Variants in HIVEP3 observed in about 807,000 individuals in gnomAD.
HIVEP3 encodes HIVEP zinc finger 3, also known as transcription factor HIVEP3.
HIVEP3 carries 49 observed loss-of-function variants against 152.8 expected under a neutral mutation model. That is an observed-to-expected ratio of 0.32 (90% CI 0.26 to 0.41). HIVEP3 has a LOEUF of 0.41. HIVEP3 is among the 10% of genes least tolerant of loss of function. The pLI is 1.00. For synonymous variants in HIVEP3, 1,269 were observed against 1,289.0 expected, an observed-to-expected ratio of 0.98 and a Z score of 0.33; for missense variants, 2,790 against 3,103.3, an observed-to-expected ratio of 0.90 and a Z score of 2.40.
chr1:41,674,260 G>C (rs748425986), intron 2 of HIVEP3, among the ~76,000 whole-genome samples: 18 of 152,252 alleles, frequency 1.2e-4, no homozygotes, highest in Non-Finnish European at 2.5e-4. Flanking sequence ...GGGTGAAGAG[G>C]AAGGAGGCAT....
chr1:41,720,378 G>A (rs866852856), intron 1 of HIVEP3, among the ~76,000 whole-genome samples: 3 of 152,192 alleles, frequency 2.0e-5, no homozygotes, highest in South Asian at 4.1e-4. Context: ...TGGACACATC[G>A]GGAATAGCCT....
chr1:41,649,615 A>G (rs1645515178), intron 2 of HIVEP3, among the ~76,000 whole-genome samples: 2 of 152,196 alleles, frequency 1.3e-5, no homozygotes, highest in African/African-American at 4.8e-5. Flanking sequence ...GAAGACTAGG[A>G]GATGATGCAA....
chr1:41,856,236 C>G (rs1643762550), intron 1 of HIVEP3, among the ~76,000 whole-genome samples: 1 of 152,098 alleles, frequency 6.6e-6, no homozygotes, highest in Admixed American at 6.5e-5. Flanking sequence ...GCATCTGCAG[C>G]CAGATGCAAT....
chr1:41,898,902 T>G (rs1644576205), intron 1 of HIVEP3, among the ~76,000 whole-genome samples: 1 of 152,234 alleles, frequency 6.6e-6, no homozygotes, highest in African/African-American at 2.4e-5. Context: ...CAGCAAGCAT[T>G]AAAAATTCAC....
rs1643800028 is a variant in HIVEP3 at position 41,857,481 on chromosome 1, AC to A, written c.-801+60931del. On this transcript the variant is annotated intron_variant, in intron 1 of 8. Coordinates refer to ENST00000372583, the MANE Select transcript of HIVEP3 (RefSeq NM_024503.5). ...ATTTAAAGAAGAATGTATTTCAAGT[AC>A]AACTCAGTTTAACCAAGTATAGAAA... Among the ~76,000 whole-genome samples, 5 of 151,928 alleles carry A rather than the reference AC, an allele frequency of 3.3e-5. No individual in the cohort carries two copies. In the South Asian group the frequency reaches 1.0e-3, roughly 31 times the overall value.
chr1:41,871,495 A>G (rs1442160153), intron 1 of HIVEP3, among the ~76,000 whole-genome samples: 1 of 152,166 alleles, frequency 6.6e-6, no homozygotes, highest in African/African-American at 2.4e-5. Context: ...AGTGAACAGG[A>G]GTTGCTTCAT....
In HIVEP3 at chr1:41,510,631, C is replaced by T. The variant is rs752309816; in HGVS notation, c.7041G>A (p.Pro2347=). 2.4e-5 allele frequency: 37 copies of T among 1,544,784 alleles called. No individual in the cohort carries two copies. The highest frequency in any genetic ancestry group is 1.9e-4 in the Middle Eastern group (1 of 5,234). The change falls in exon 9 of 9, where the codon CCG becomes CCA. Residue 2347 remains proline, a synonymous_variant. Coordinates refer to ENST00000372583, the MANE Select transcript of HIVEP3 (RefSeq NM_024503.5). ...CCACAGAGCTGCTGCGGTCCAGCGG[C>T]GGGGTGGCAGAAGGCTCGGGGTTGG... ...APTNPEPSAT[P]PLDRSSSVGC...
chr1:41,527,278 CA>C (rs1643004369), intron 5 of HIVEP3, among the ~76,000 whole-genome samples: 3 of 104,118 alleles, frequency 2.9e-5, no homozygotes, highest in Admixed American at 1.0e-4. Flanking sequence ...CACCCTCACA[CA>C]CCCTCACATA....
At chr1:41,594,395 G>A (rs183555449) in intron 3 of HIVEP3, among the ~76,000 whole-genome samples, 4 of 151,810 alleles carry the variant, frequency 2.6e-5, no homozygotes, top group Admixed American at 6.6e-5. Flanking sequence ...GATAATTTTC[G>A]TATTTTTAGT....
Position 41,510,336 on chromosome 1 carries a change from A to G in HIVEP3, c.*115T>C. ...AAGGTACAACAGATGGGGCCGTGAG[A>G]GCTCCTGGACGGAGGGACAGATGGG... is the stretch of plus-strand genomic sequence containing the variant. On this transcript the variant is annotated 3_prime_UTR_variant, in exon 9 of 9. Coordinates refer to ENST00000372583, the MANE Select transcript of HIVEP3 (RefSeq NM_024503.5). The G allele has an allele frequency of 1.1e-6, 1 of 876,182 alleles. No homozygotes were observed. The highest frequency in any genetic ancestry group is 1.6e-6 in the Non-Finnish European group (1 of 625,136). The allele number at this position is 876,182 out of a possible 1,614,324, so 54.3% of individuals were successfully genotyped here. A position where few individuals can be genotyped will look rare whatever the true frequency, so the allele number is the denominator to read the frequency against.
At chr1:42,035,623 C>G (rs1645638138) in intron 1 of HIVEP3, among the ~76,000 whole-genome samples, 2 of 152,108 alleles carry the variant, frequency 1.3e-5, no homozygotes, top group East Asian at 3.9e-4. Flanking sequence ...CGGGGGACCC[C>G]AGCTGAGGGG....
chr1:41,985,222 C>G (rs998627198), intron 1 of HIVEP3, among the ~76,000 whole-genome samples: 2 of 152,178 alleles, frequency 1.3e-5, no homozygotes, highest in African/African-American at 4.8e-5. Flanking sequence ...AGCAAGATGA[C>G]AGTACCACAA....
chr1:41,881,045 T>C (rs149133117), intron 1 of HIVEP3, among the ~76,000 whole-genome samples: 1 of 152,198 alleles, frequency 6.6e-6, no homozygotes, highest in African/African-American at 2.4e-5. Context: ...ACAATGCAAG[T>C]TCCTCCCACT....
At position 41,581,262 on chromosome 1, in the gene HIVEP3, G is replaced by A. The variant is rs1223696014; in HGVS notation, c.3536C>T (p.Pro1179Leu). ...TTGAAATAAGGAGGGAGGAAGTGGG[G>A]GCATGGAGTATGGTGAGGACAGGAG... The part of the protein sequence containing the change: ...SSLLSSPYSM[P>L]PLPPSLFQAP... The change falls in exon 4 of 9, where the codon CCC (proline) becomes CTC (leucine). Residue 1179 changes from proline to leucine, a missense_variant. Pro to Leu is a moderately conservative substitution (Grantham distance 98, BLOSUM62 -3). Transcript: ENST00000372583. The surrounding 1 kb of genome is among the most constrained non-coding windows in gnomAD (Gnocchi z 4.5). 6 of 1,599,450 alleles carry A rather than the reference G, an allele frequency of 3.8e-6. No homozygotes were observed. In the African/African-American group the frequency reaches 8.1e-5, roughly 21 times the overall value.
chr1:41,635,792 G>A (rs1217554531), intron 2 of HIVEP3, among the ~76,000 whole-genome samples: 13 of 152,040 alleles, frequency 8.6e-5, no homozygotes, highest in Non-Finnish European at 1.8e-4. Flanking sequence ...AAACATATAC[G>A]TGAACATTTT....
chr1:41,677,013 A>G (rs561796162), intron 2 of HIVEP3, among the ~76,000 whole-genome samples: 1 of 149,550 alleles, frequency 6.7e-6, no homozygotes, highest in Admixed American at 6.6e-5. Flanking sequence ...GACGCCCAAA[A>G]GCAGCAGATG....
intron 5 of HIVEP3, among the ~76,000 whole-genome samples, chr1:41,567,415 G>A (rs1160463171): frequency 6.6e-6 from 1 of 152,220 alleles, no homozygotes; most frequent in Non-Finnish European, 1.5e-5. Flanking sequence ...GGATTTGGAG[G>A]TATAAAGAAA....
intron 1 of HIVEP3, among the ~76,000 whole-genome samples, chr1:41,850,651 A>C (rs1643570799): frequency 6.6e-6 from 1 of 152,226 alleles, no homozygotes; most frequent in Admixed American, 6.5e-5. Flanking sequence ...CACTCAGGCC[A>C]TGCCATGGTC....
chr1:41,867,973 A>G (rs1193340487), intron 1 of HIVEP3, among the ~76,000 whole-genome samples: 4 of 139,314 alleles, frequency 2.9e-5, no homozygotes, highest in African/African-American at 1.1e-4. Context: ...ATCTCACTCA[A>G]AATAAAAGCC....
Sources: gnomAD v4.1 joint callset for allele counts (sites outside exome capture counted in the v4.1 genomes callset) on GRCh38, gnomAD v4.1.1 for gene constraint, Gnocchi (gnomAD v3.1) non-coding constraint, MANE v1.5 for transcripts, NCBI Gene and HGNC (gene_info 2026-07-23, HGNC 2026-07-21) for gene names.